SLC26A5: variants seen among roughly 807,000 people sequenced by gnomAD.
SLC26A5 encodes prestin.
SLC26A5 carries 51 observed loss-of-function variants against 81.0 expected under a neutral mutation model. The observed-to-expected ratio is 0.63, with a 90% confidence interval of 0.50 to 0.80. The LOEUF (loss-of-function observed/expected upper bound fraction) is 0.80, where lower values mean the gene tolerates loss of function less well. Ranked by LOEUF, SLC26A5 falls within the 30% of genes least tolerant of loss-of-function variation. The probability of loss-of-function intolerance (pLI) is 0.00; values close to 1 mark genes in which losing one functional copy is unlikely to be tolerated. For missense variants in SLC26A5, 771 were observed against 905.8 expected (o/e 0.85, Z 1.91); for synonymous variants, 325 against 332.8 (o/e 0.98, Z 0.25).
intron 8 of SLC26A5, among the ~76,000 whole-genome samples, chr7:103,399,488 C>T (rs4588783): frequency 0.068 from 10,287 of 152,286 alleles, 446 homozygotes; most frequent in Admixed American, 0.13. Context: ...GTATTGCTTC[C>T]TTGTGAGCTA....
intron 19 of SLC26A5, among the ~76,000 whole-genome samples, chr7:103,363,817 T>C (rs1820547865): frequency 6.6e-6 from 1 of 152,212 alleles, no homozygotes; most frequent in South Asian, 2.1e-4. Flanking sequence ...ACTAGGATAC[T>C]GAATACCAGA....
intron 2 of SLC26A5, among the ~76,000 whole-genome samples, chr7:103,432,061 G>C (rs1437255279): frequency 2.0e-5 from 3 of 151,962 alleles, no homozygotes; most frequent in African/African-American, 7.3e-5. Flanking sequence ...CACTACAGGT[G>C]CATGCCACCA....
chr7:103,392,559 C>A (rs903264805), intron 10 of SLC26A5, among the ~76,000 whole-genome samples: 18 of 152,196 alleles, frequency 1.2e-4, no homozygotes, highest in Non-Finnish European at 1.5e-5. Flanking sequence ...CTTGTGCCTT[C>A]CATAACCGAC....
chr7:103,392,738 C>T (rs1383196940), intron 10 of SLC26A5, among the ~76,000 whole-genome samples, 181 bp downstream of exon 10: 3 of 152,154 alleles, frequency 2.0e-5, no homozygotes, highest in Admixed American at 6.5e-5. Context: ...CCACCATGCC[C>T]GGCTAATTTT....
intron 19 of SLC26A5, among the ~76,000 whole-genome samples, chr7:103,375,296 T>A (rs1349315330): frequency 6.6e-6 from 1 of 151,998 alleles, no homozygotes; most frequent in Non-Finnish European, 1.5e-5. Context: ...TTGAGTTTTT[T>A]GTTTTATAAC....
At chr7:103,384,053 C>G (rs1402873119) in intron 14 of SLC26A5, among the ~76,000 whole-genome samples, 2 of 151,952 alleles carry the variant, frequency 1.3e-5, no homozygotes, top group South Asian at 2.1e-4. Flanking sequence ...ATCCTTTGAG[C>G]CCAGGAATTC....
In SLC26A5 at chr7:103,390,474, C is replaced by A. The variant is rs1822554302; in HGVS notation, c.1266G>T (p.Leu422=). 1 of 1,614,162 alleles carries A rather than the reference C, an allele frequency of 6.2e-7. No homozygotes were observed. Among genetic ancestry groups the A allele is most frequent in the South Asian group, 1.1e-5 (1 of 91,078 alleles). ...GGAATCCAGTTGCTAATATGACCAGCAGAATCATTAATGAGGCCAAACAAC... is the reference window on the plus strand; with the variant it reads ...GGAATCCAGTTGCTAATATGACCAGAAGAATCATTAATGAGGCCAAACAAC... ...LAGCLASLMI[L]LVILATGFLF... Residue 422 remains leucine, a synonymous_variant, in exon 12 of 20, where the codon CTG becomes CTT. Coordinates refer to ENST00000306312, the MANE Select transcript of SLC26A5 (RefSeq NM_198999.3).
At chr7:103,397,409 C>T (rs550252201) in intron 9 of SLC26A5, among the ~76,000 whole-genome samples, 8 of 151,744 alleles carry the variant, frequency 5.3e-5, no homozygotes, top group South Asian at 4.2e-4. Context: ...GGCGTGGTGG[C>T]GGGTGCCTGT....
chr7:103,381,850 C>T (rs1821822401), intron 14 of SLC26A5, among the ~76,000 whole-genome samples: 1 of 151,348 alleles, frequency 6.6e-6, no homozygotes, highest in Non-Finnish European at 1.5e-5. Flanking sequence ...CATGCATATA[C>T]ACCACACACA....
chr7:103,417,425 A>G (rs1292378391), intron 4 of SLC26A5, among the ~76,000 whole-genome samples: 1 of 151,304 alleles, frequency 6.6e-6, no homozygotes, highest in Non-Finnish European at 1.5e-5. Context: ...CTGTAATAAT[A>G]TACACTCCTA....
chr7:103,361,818 A>G (rs564974529), intron 19 of SLC26A5: 14 of 776,730 alleles, frequency 1.8e-5, no homozygotes, highest in African/African-American at 1.5e-4. Flanking sequence ...GGGTATAGAA[A>G]AGGATCTTTA....
At chr7:103,362,501 T>G (rs1820467647) in intron 19 of SLC26A5, 11 of 1,416,042 alleles carry the variant, frequency 7.8e-6, no homozygotes, top group Non-Finnish European at 8.3e-6. Context: ...ATAGGTTGTT[T>G]GCGACATTAG....
chr7:103,423,293 A>G, intron 2 of SLC26A5, among the ~76,000 whole-genome samples: 1 of 152,074 alleles, frequency 6.6e-6, no homozygotes, highest in East Asian at 1.9e-4. Flanking sequence ...AAACAAATTG[A>G]AATCAGGGTT....
chr7:103,405,968 G>A (rs753694663), intron 8 of SLC26A5, among the ~76,000 whole-genome samples: 1 of 152,164 alleles, frequency 6.6e-6, no homozygotes, highest in Non-Finnish European at 1.5e-5. Context: ...AGGTGGCTTT[G>A]TTTACACTGT....
chr7:103,436,905 C>G (rs1329385568), intron 2 of SLC26A5, among the ~76,000 whole-genome samples: 15 of 152,080 alleles, frequency 9.9e-5, no homozygotes, highest in Non-Finnish European at 2.2e-4. Flanking sequence ...GGATATGGCT[C>G]CAAAGTCACA....
In SLC26A5 at chr7:103,406,900, G is replaced by A. The variant is rs950858220; in HGVS notation, c.888+951C>T. On this transcript the variant is annotated intron_variant, in intron 8 of 19. Coordinates refer to ENST00000306312, the MANE Select transcript of SLC26A5 (RefSeq NM_198999.3). ...ACTCCTGGCCTCAAGTGATCTGCCC[G>A]CCTTGGCCTCCCAAAGTGCTAGGAT... Among the ~76,000 whole-genome samples the A allele has an allele frequency of 2.0e-5, 3 of 152,096 alleles. No individual in the cohort carries two copies. In the East Asian group the frequency reaches 5.8e-4, roughly 29 times the overall value.
At chr7:103,360,784 A>C (rs1414371061) in intron 19 of SLC26A5, among the ~76,000 whole-genome samples, 2 of 152,196 alleles carry the variant, frequency 1.3e-5, no homozygotes, top group African/African-American at 2.4e-5. Context: ...CATTTTTACC[A>C]GGCCATATGG....
At chr7:103,414,769 G>C (rs1824780202) in intron 4 of SLC26A5, among the ~76,000 whole-genome samples, 1 of 152,120 alleles carries the variant, frequency 6.6e-6, no homozygotes, top group Non-Finnish European at 1.5e-5. Context: ...CTAGTTTTTA[G>C]AGCAGCTGGA....
intron 19 of SLC26A5, chr7:103,365,971 G>T: frequency 1.1e-6 from 1 of 881,194 alleles, no homozygotes; most frequent in South Asian, 1.6e-5. Context: ...TAATGGGTGA[G>T]AATACTGTTA....
Sources: allele counts gnomAD v4.1 joint callset (sites outside exome capture counted in the v4.1 genomes callset), GRCh38; gene constraint gnomAD v4.1.1; transcripts MANE v1.5; gene names NCBI Gene and HGNC (gene_info 2026-07-23, HGNC 2026-07-21).